LDB3: variants seen among roughly 807,000 people sequenced by gnomAD.
The protein encoded by LDB3 is LIM domain-binding protein 3.
LDB3 carries 49 observed loss-of-function variants against 69.0 expected under a neutral mutation model. That is an observed-to-expected ratio of 0.71 (90% CI 0.56 to 0.90). The LOEUF (loss-of-function observed/expected upper bound fraction) is 0.90, where lower values mean the gene tolerates loss of function less well. LDB3 is among the 40% of genes least tolerant of loss of function. The pLI, the probability that LDB3 is intolerant of heterozygous loss-of-function variation, is 0.00. For synonymous variants in LDB3, 387 were observed against 396.2 expected, an observed-to-expected ratio of 0.98 and a Z score of 0.28; for missense variants, 928 against 974.1, an observed-to-expected ratio of 0.95 and a Z score of 0.63.
chr10:86,680,590 G>A (rs1469401554), intron 4 of LDB3, among the ~76,000 whole-genome samples: 2 of 152,160 alleles, frequency 1.3e-5, no homozygotes, highest in African/African-American at 2.4e-5. Context: ...GGGGCCTGCT[G>A]GCCTCACCCA....
intron 5 of LDB3, chr10:86,685,778 G>A: frequency 6.6e-7 from 1 of 1,519,096 alleles, no homozygotes; most frequent in South Asian, 1.1e-5. Context: ...GGCGTGGATA[G>A]AGTGTGCCTG....
rs143823978 is a variant in LDB3, at chr10:86,706,705, T to A, written c.1071T>A (p.Pro357=). 224 of 1,612,118 alleles carry A rather than the reference T, an allele frequency of 1.4e-4. No individual in the cohort carries two copies. The highest frequency in any genetic ancestry group is 1.8e-4 in the Non-Finnish European group (212 of 1,179,540). The part of the protein sequence containing the change: ...SASTTAPASS[P]ADSPRPQASS... ...CCACCACAGCCCCTGCTTCAAGTCC[T>A]GCCGACAGCCCAAGGTAACTGGGCC... is the stretch of plus-strand genomic sequence containing the variant. Residue 357 remains proline (P), a synonymous_variant, in exon 8 of 14, where the codon CCT becomes CCA. Coordinates refer to ENST00000361373, the MANE Select transcript of LDB3 (RefSeq NM_007078.3).
chr10:86,668,500 C>G (rs965356368), upstream of LDB3: 2 of 670,110 alleles, frequency 3.0e-6, no homozygotes, highest in African/African-American at 3.5e-5. Context: ...CGATGGCATT[C>G]GCTCCCAGCT....
At chr10:86,711,802 G>C (rs1481440521) in intron 9 of LDB3, among the ~76,000 whole-genome samples, 1 of 149,578 alleles carries the variant, frequency 6.7e-6, no homozygotes, top group Non-Finnish European at 1.5e-5. Flanking sequence ...GCGCGGGCCG[G>C]GGACGGTCAC....
intron 13 of LDB3, among the ~76,000 whole-genome samples, chr10:86,728,805 C>T (rs1847359896): frequency 6.6e-6 from 1 of 152,048 alleles, no homozygotes; most frequent in African/African-American, 2.4e-5. Flanking sequence ...TGGTCTTGAA[C>T]TCCTGACCTC....
chr10:86,675,264 G>A (rs1844732263), intron 2 of LDB3, among the ~76,000 whole-genome samples: 1 of 152,260 alleles, frequency 6.6e-6, no homozygotes, highest in African/African-American at 2.4e-5. Flanking sequence ...GGTGGGGAGG[G>A]CTGGTGCCCG....
At chr10:86,682,496 C>A (rs2132376771) in intron 5 of LDB3, among the ~76,000 whole-genome samples, 1 of 152,242 alleles carries the variant, frequency 6.6e-6, no homozygotes, top group South Asian at 2.1e-4. Context: ...GGACATGGGA[C>A]TGGGGCACTG....
chr10:86,668,099 G>A (rs1844251770), upstream of LDB3, among the ~76,000 whole-genome samples: 3 of 152,170 alleles, frequency 2.0e-5, no homozygotes, highest in African/African-American at 7.2e-5. Context: ...CAGACCAGCT[G>A]GAGGCTCAGC....
intron 7 of LDB3, among the ~76,000 whole-genome samples, chr10:86,697,215 C>CTTTTTTTTT (rs34215720): frequency 2.6e-5 from 2 of 77,780 alleles, no homozygotes; most frequent in African/African-American, 5.2e-5. Flanking sequence ...TAGCAATTCA[C>CTTTTTTTTT]TTTTTTTTTT....
chr10:86,668,452 G>T (rs1032934414), upstream of LDB3: 7 of 603,716 alleles, frequency 1.2e-5, no homozygotes, highest in Admixed American at 2.3e-5. Flanking sequence ...TAGGGTTACA[G>T]TCCATTTATG....
chr10:86,716,686 C>G lies in LDB3; in HGVS notation c.1591C>G (p.Leu531Val), dbSNP rs2132482794. ...YTPAGPQVPP[L>V]ARGTVQRAER... ...CCCAGCGGGTCCTCAGGTGCCACCA[C>G]TTGCCAGGGGGACCGTCCAGAGGGC... Residue 531 changes from leucine (L) to valine (V), a missense_variant, in exon 10 of 14, where the codon CTT (leucine) becomes GTT (valine). By Grantham distance (32) the Leu-to-Val change is conservative. Coordinates refer to ENST00000361373, the MANE Select transcript of LDB3 (RefSeq NM_007078.3). 1 of 1,613,922 alleles carries G rather than the reference C, an allele frequency of 6.2e-7. No individual in the cohort carries two copies. The highest frequency in any genetic ancestry group is 8.5e-7 in the Non-Finnish European group (1 of 1,180,000).
intron 5 of LDB3, among the ~76,000 whole-genome samples, chr10:86,691,244 G>A (rs919111500): frequency 2.6e-5 from 4 of 152,214 alleles, no homozygotes; most frequent in African/African-American, 4.8e-5. Context: ...AAAGGGCTGC[G>A]CTTCTCTGGG....
chr10:86,689,424 C>T (rs1845655717), intron 5 of LDB3, among the ~76,000 whole-genome samples: 1 of 152,244 alleles, frequency 6.6e-6, no homozygotes, highest in Non-Finnish European at 1.5e-5. Context: ...AGCCAAACGA[C>T]ATCCCTTGCA....
intron 4 of LDB3, 92 bp from the exon 5 acceptor site, chr10:86,681,344 A>T (rs2132370230): frequency 6.4e-7 from 1 of 1,569,406 alleles, no homozygotes. Context: ...TCGCGCTAAC[A>T]CATCTGTTTC....
intron 2 of LDB3, among the ~76,000 whole-genome samples, chr10:86,677,901 G>A (rs1844888102): frequency 6.6e-6 from 1 of 152,156 alleles, no homozygotes; most frequent in African/African-American, 2.4e-5. Context: ...CTTCAGCCTG[G>A]CAGTGTCTCT....
intron 9 of LDB3, among the ~76,000 whole-genome samples, chr10:86,713,467 A>C (rs1439712727): frequency 6.6e-6 from 1 of 151,814 alleles, no homozygotes; most frequent in Non-Finnish European, 1.5e-5. Context: ...CTGATCTCGA[A>C]CTCCTAACCT....
At chr10:86,688,441 G>A (rs1335204977) in intron 5 of LDB3, among the ~76,000 whole-genome samples, 4 of 152,148 alleles carry the variant, frequency 2.6e-5, no homozygotes, top group Admixed American at 2.0e-4. Flanking sequence ...GGCTCTGCTG[G>A]AACTGAGGAG....
At chr10:86,729,261 T>A (rs1406402628) in intron 13 of LDB3, among the ~76,000 whole-genome samples, 1 of 152,156 alleles carries the variant, frequency 6.6e-6, no homozygotes, top group African/African-American at 2.4e-5. Flanking sequence ...ACAGTATCCC[T>A]CAAGTCCAAA....
In LDB3 at chr10:86,716,467, G is replaced by A. The variant is rs747669109; in HGVS notation, c.1372G>A (p.Ala458Thr). 2 of 1,350,868 alleles carry A rather than the reference G, an allele frequency of 1.5e-6. No homozygotes were observed. Among genetic ancestry groups the A allele is most frequent in the Non-Finnish European group, 2.0e-6 (2 of 1,019,856 alleles). The allele number at this position is 1,350,868 out of a possible 1,614,324, so 83.7% of individuals were successfully genotyped here. ...SPVPTYTPSP[A>T]PAYTPSPAPN... The stretch of plus-strand genomic sequence containing the variant: ...TGTCCCCACCTACACTCCATCCCCA[G>A]CACCAGCCTATACCCCCTCACCTGC... The change falls in exon 10 of 14, where the codon GCA (alanine) becomes ACA (threonine). Residue 458 changes from alanine to threonine, a missense_variant. Transcript: ENST00000361373.
Sources: allele counts gnomAD v4.1 joint callset (sites outside exome capture counted in the v4.1 genomes callset), GRCh38; gene constraint gnomAD v4.1.1; transcripts MANE v1.5; gene names NCBI Gene and HGNC (gene_info 2026-07-23, HGNC 2026-07-21).